Variants in MAP3K5 observed in about 807,000 individuals in gnomAD.
MAP3K5 encodes the protein mitogen-activated protein kinase kinase kinase 5, also known as ASK-1.
A neutral mutation model predicts 158.7 loss-of-function variants in MAP3K5; 56 were observed. The ratio of observed to expected loss-of-function variants is 0.35; its 90% CI spans 0.28 to 0.44. MAP3K5 has a LOEUF of 0.44. MAP3K5 is among the 20% of genes least tolerant of loss of function. The pLI is 1.00. For synonymous variants in MAP3K5, 579 were observed against 601.7 expected, an observed-to-expected ratio of 0.96 and a Z score of 0.55; for missense variants, 1,294 against 1,674.8, an observed-to-expected ratio of 0.77 and a Z score of 3.97.
intron 7 of MAP3K5, among the ~76,000 whole-genome samples, chr6:136,678,797 C>T (rs570937610): frequency 1.3e-5 from 2 of 151,690 alleles, no homozygotes; most frequent in East Asian, 1.9e-4. Context: ...GCTATCTTGG[C>T]TCACTGTAAC....
In MAP3K5 at chr6:136,775,378, C is replaced by G. The variant is rs376850510; in HGVS notation, c.448+16332G>C. Among the ~76,000 whole-genome samples the G allele has an allele frequency of 2.0e-4, 31 of 152,298 alleles. No individual in the cohort carries two copies. The South Asian group carries it at 6.4e-3, about 32-fold the overall frequency. ...AATTCTCATAGACTAAATATTAAGT[C>G]ATTAGAAGCTTGTAACCTAGTCCAG... is the stretch of plus-strand genomic sequence containing the variant. On this transcript the variant is annotated intron_variant, in intron 1 of 29. Coordinates refer to ENST00000359015, the MANE Select transcript of MAP3K5 (RefSeq NM_005923.4).
intron 2 of MAP3K5, among the ~76,000 whole-genome samples, chr6:136,715,555 T>A (rs1434354951): frequency 6.6e-6 from 1 of 152,204 alleles, no homozygotes; most frequent in Non-Finnish European, 1.5e-5. Flanking sequence ...TGCACATGTC[T>A]ATCCTTTTAT....
intron 23 of MAP3K5, among the ~76,000 whole-genome samples, chr6:136,591,596 T>G (rs973188028): frequency 3.9e-5 from 6 of 152,224 alleles, no homozygotes. Context: ...TTATGTCAAT[T>G]AGTCTACGGC....
intron 19 of MAP3K5, among the ~76,000 whole-genome samples, chr6:136,604,299 G>A (rs541006990): frequency 4.6e-4 from 69 of 151,288 alleles, no homozygotes; most frequent in African/African-American, 1.1e-3. Context: ...TCCAGCCTGG[G>A]TGATAGATCG....
chr6:136,721,824 C>T (rs556689243), intron 1 of MAP3K5, among the ~76,000 whole-genome samples: 1 of 151,992 alleles, frequency 6.6e-6, no homozygotes, highest in Admixed American at 6.6e-5. Flanking sequence ...TTGAGGCCAG[C>T]CTGGGCAACA....
At chr6:136,642,121 C>T (rs1008724785) in intron 12 of MAP3K5, among the ~76,000 whole-genome samples, 7 of 150,766 alleles carry the variant, frequency 4.6e-5, no homozygotes, top group African/African-American at 7.3e-5. Context: ...GTGTAGTAGA[C>T]GGCATGTGTG....
At chr6:136,561,680 C>CA in intron 27 of MAP3K5, 35 bp from the exon 28 acceptor site, 1 of 1,214,814 alleles carries the variant, frequency 8.2e-7, no homozygotes, top group Non-Finnish European at 1.2e-6. Flanking sequence ...TTCTTAATTT[C>CA]ACCTAACAGA....
chr6:136,655,588 T>A (rs1778705712), intron 10 of MAP3K5, among the ~76,000 whole-genome samples: 2 of 152,210 alleles, frequency 1.3e-5, no homozygotes. Context: ...CACTTTGATG[T>A]GGAAAGAAAT....
intron 14 of MAP3K5, among the ~76,000 whole-genome samples, chr6:136,631,017 T>C (rs1777323776): frequency 1.3e-5 from 2 of 152,258 alleles, no homozygotes; most frequent in African/African-American, 4.8e-5. Flanking sequence ...GAGGATCGCT[T>C]GAGCCCAAGA....
In MAP3K5 at chr6:136,792,087, A is replaced by G; in HGVS notation, c.71T>C (p.Ile24Thr). ...CCTCCTGCAGATGCCGCCCTCGGGGATGGTGCAGAAGCCCGAGGGGGCGAA... is the reference window on the plus strand; with the variant it reads ...CCTCCTGCAGATGCCGCCCTCGGGGGTGGTGCAGAAGCCCGAGGGGGCGAA... ...PPFAPSGFCTIPEGGICRRGG... is the reference protein window; with the variant it reads ...PPFAPSGFCTTPEGGICRRGG... The change falls in exon 1 of 30, where the codon ATC becomes ACC. Residue 24 changes from isoleucine to threonine, a missense_variant. Around this residue, in one of 5 missense-constraint regions of MAP3K5, gnomAD observed 690 missense variants for 870.5 expected, o/e 0.79. Transcript: ENST00000359015. The surrounding 1 kb of genome is among the most constrained non-coding windows in gnomAD (Gnocchi z 5.7). 6.3e-7 allele frequency: 1 copy of G among 1,577,202 alleles called. No homozygotes were observed.
chr6:136,792,166 G>A lies in MAP3K5; in HGVS notation c.-9C>T, dbSNP rs1445540892. On this transcript the variant is annotated 5_prime_UTR_variant, in exon 1 of 30. Transcript: ENST00000359015. The surrounding 1 kb of genome is among the most constrained non-coding windows in gnomAD (Gnocchi z 5.7). ...TCCGCCTCCGTGCTCATCTCTCCGGGCCGGGCAGCAACGGCGGCGGCGTCC... is the reference window on the plus strand; with the variant it reads ...TCCGCCTCCGTGCTCATCTCTCCGGACCGGGCAGCAACGGCGGCGGCGTCC... 15 of 1,544,744 alleles carry A rather than the reference G, an allele frequency of 9.7e-6. No individual in the cohort carries two copies. The African/African-American group carries it at 9.7e-5, about 10-fold the overall frequency.
At chr6:136,755,736 T>C (rs1339016605) in intron 1 of MAP3K5, among the ~76,000 whole-genome samples, 1 of 149,912 alleles carries the variant, frequency 6.7e-6, no homozygotes, top group Non-Finnish European at 1.5e-5. Flanking sequence ...TACTTTTTAA[T>C]GACAATTTCC....
intron 7 of MAP3K5, among the ~76,000 whole-genome samples, chr6:136,684,875 G>T (rs1395641762): frequency 6.6e-6 from 1 of 152,154 alleles, no homozygotes; most frequent in Non-Finnish European, 1.5e-5. Flanking sequence ...CTAAGGAAAT[G>T]ACAATGCAAA....
intron 7 of MAP3K5, among the ~76,000 whole-genome samples, chr6:136,683,458 T>C (rs1780018813): frequency 6.6e-6 from 1 of 152,170 alleles, no homozygotes; most frequent in South Asian, 2.1e-4. Context: ...CCCATGGCCA[T>C]AGCAAGAAAA....
At chr6:136,772,197 G>C (rs550953389) in intron 1 of MAP3K5, among the ~76,000 whole-genome samples, 2 of 151,354 alleles carry the variant, frequency 1.3e-5, no homozygotes, top group East Asian at 3.9e-4. Flanking sequence ...GATTACAGGC[G>C]TGAGCCACCA....
intron 23 of MAP3K5, among the ~76,000 whole-genome samples, chr6:136,586,277 G>A (rs1027527009): frequency 2.0e-5 from 3 of 152,208 alleles, no homozygotes; most frequent in Non-Finnish European, 2.9e-5. Context: ...GAAATTGGAA[G>A]CTTCTCTTAG....
At chr6:136,763,286 C>A (rs1582661940) in intron 1 of MAP3K5, among the ~76,000 whole-genome samples, 1 of 152,286 alleles carries the variant, frequency 6.6e-6, no homozygotes, top group South Asian at 2.1e-4. Context: ...AAGATGAAGT[C>A]TTGGATGAGT....
At chr6:136,606,685 A>G (rs1360279230) in intron 18 of MAP3K5, among the ~76,000 whole-genome samples, 3 of 152,252 alleles carry the variant, frequency 2.0e-5, no homozygotes, top group African/African-American at 7.2e-5. Context: ...CTCATCCAAG[A>G]TGCCATGTTG....
chr6:136,596,721 T>C (rs1395939717), intron 21 of MAP3K5, among the ~76,000 whole-genome samples: 3 of 152,136 alleles, frequency 2.0e-5, no homozygotes, highest in African/African-American at 4.8e-5. Flanking sequence ...GCAAGACAGG[T>C]GGTGCTGAGA....
Sources: gnomAD v4.1 joint callset for allele counts (sites outside exome capture counted in the v4.1 genomes callset) on GRCh38, gnomAD v4.1.1 for gene constraint, gnomAD v4.1.1 regional missense constraint, Gnocchi (gnomAD v3.1) non-coding constraint, MANE v1.5 for transcripts, NCBI Gene and HGNC (gene_info 2026-07-23, HGNC 2026-07-21) for gene names.